The following CBLB variants were observed in gnomAD, a reference collection of about 807,000 sequenced individuals.
CBLB encodes E3 ubiquitin-protein ligase CBL-B.
In CBLB, 31 loss-of-function variants were observed where a neutral mutation model predicts 104.9. The observed-to-expected ratio is 0.30, with a 90% CI of 0.22 to 0.40. The LOEUF is 0.40. Ranked by LOEUF, CBLB falls within the 10% of genes least tolerant of loss-of-function variation. The pLI, the probability that CBLB is intolerant of heterozygous loss-of-function variation, is 1.00. For synonymous variants in CBLB, 440 were observed against 422.6 expected (o/e 1.04, Z -0.51); for missense variants, 1,062 against 1,214.6 (o/e 0.87, Z 1.87).
At chr3:105,774,060 G>A (rs573193906) in intron 4 of CBLB, among the ~76,000 whole-genome samples, 2 of 152,330 alleles carry the variant, frequency 1.3e-5, no homozygotes, top group East Asian at 3.9e-4. Flanking sequence ...TTAAGAAGTA[G>A]GACCTTCAAG....
intron 17 of CBLB, among the ~76,000 whole-genome samples, chr3:105,675,348 G>C (rs186612398): frequency 6.6e-6 from 1 of 151,966 alleles, no homozygotes; most frequent in Non-Finnish European, 1.5e-5. Flanking sequence ...AGCATTTATA[G>C]CATATTCTTA....
At chr3:105,666,501 C>CA (rs1276498084) in intron 18 of CBLB, among the ~76,000 whole-genome samples, 1 of 152,010 alleles carries the variant, frequency 6.6e-6, no homozygotes, top group Non-Finnish European at 1.5e-5. Context: ...GCCTGGCCAA[C>CA]ATGGTGAAAC....
chr3:105,811,068 T>C (rs2084224334), intron 3 of CBLB, among the ~76,000 whole-genome samples: 1 of 152,192 alleles, frequency 6.6e-6, no homozygotes, highest in African/African-American at 2.4e-5. Flanking sequence ...AGCATTTCTT[T>C]TTTATTCTAA....
At chr3:105,840,776 T>A (rs1474425057) in intron 3 of CBLB, among the ~76,000 whole-genome samples, 1 of 151,906 alleles carries the variant, frequency 6.6e-6, no homozygotes, top group Admixed American at 6.6e-5. Flanking sequence ...TTATATCACA[T>A]AATTTCAACC....
chr3:105,858,660 G>T (rs2097413883), intron 2 of CBLB, among the ~76,000 whole-genome samples: 1 of 152,072 alleles, frequency 6.6e-6, no homozygotes, highest in Non-Finnish European at 1.5e-5. Context: ...ATTTATTATT[G>T]GAATTAGGCT....
intron 9 of CBLB, among the ~76,000 whole-genome samples, chr3:105,724,371 G>C (rs2073307042): frequency 6.6e-6 from 1 of 152,122 alleles, no homozygotes; most frequent in Admixed American, 6.6e-5. Flanking sequence ...TAGTAAATCA[G>C]AAAAGGAGCA....
intron 3 of CBLB, among the ~76,000 whole-genome samples, chr3:105,813,648 C>A (rs2084611858): frequency 6.6e-6 from 1 of 151,842 alleles, no homozygotes; most frequent in African/African-American, 2.4e-5. Context: ...GGACCAAAAC[C>A]AATACTGTAT....
chr3:105,801,959 G>C (rs1007735753), intron 3 of CBLB, among the ~76,000 whole-genome samples: 17 of 152,188 alleles, frequency 1.1e-4, no homozygotes, highest in Non-Finnish European at 2.2e-4. Context: ...AAGGGACTGA[G>C]AACAGCCTTG....
At chr3:105,749,742 A>G in intron 5 of CBLB, 1 of 325,892 alleles carries the variant, frequency 3.1e-6, no homozygotes, top group Non-Finnish European at 6.1e-6. Context: ...AATAAATAAG[A>G]TATTCTGTAA....
chr3:105,805,871 C>T (rs1446645806), intron 3 of CBLB, among the ~76,000 whole-genome samples: 1 of 151,220 alleles, frequency 6.6e-6, no homozygotes, highest in East Asian at 1.9e-4. Context: ...CACGTATCTC[C>T]ACTGCATGAT....
intron 3 of CBLB, among the ~76,000 whole-genome samples, chr3:105,796,379 A>G (rs533357866): frequency 3.2e-4 from 49 of 152,270 alleles, no homozygotes; most frequent in African/African-American, 1.2e-3. Context: ...TGCTAGGCAA[A>G]CTGGCTAGCA....
intron 10 of CBLB, among the ~76,000 whole-genome samples, chr3:105,719,740 GA>G (rs139770262): frequency 6.6e-6 from 1 of 152,032 alleles, no homozygotes; most frequent in Non-Finnish European, 1.5e-5. Context: ...TCCTACTTAT[GA>G]AAAAAAGTTA....
intron 3 of CBLB, among the ~76,000 whole-genome samples, chr3:105,781,413 T>A (rs1269746194): frequency 6.6e-6 from 1 of 152,126 alleles, no homozygotes; most frequent in African/African-American, 2.4e-5. Flanking sequence ...TAATGCTTGA[T>A]GGAGGATGGC....
intron 9 of CBLB, among the ~76,000 whole-genome samples, chr3:105,723,077 T>C (rs2073113761): frequency 6.6e-6 from 1 of 152,156 alleles, no homozygotes; most frequent in Non-Finnish European, 1.5e-5. Flanking sequence ...TAATGGTACT[T>C]ACTCTAATAT....
chr3:105,676,881 T>C (rs1459518830), intron 17 of CBLB, among the ~76,000 whole-genome samples: 1 of 152,168 alleles, frequency 6.6e-6, no homozygotes, highest in Non-Finnish European at 1.5e-5. Flanking sequence ...GTCTGGCATT[T>C]TCCCTGCTTG....
chr3:105,803,805 T>C (rs1254236695), intron 3 of CBLB, among the ~76,000 whole-genome samples: 2 of 152,222 alleles, frequency 1.3e-5, no homozygotes, highest in African/African-American at 2.4e-5. Flanking sequence ...GGGTCACTTA[T>C]CTTTTCACTA....
At chr3:105,706,670 T>C (rs1471519279) in intron 10 of CBLB, among the ~76,000 whole-genome samples, 1 of 152,172 alleles carries the variant, frequency 6.6e-6, no homozygotes, top group Non-Finnish European at 1.5e-5. Flanking sequence ...TTATATTCTC[T>C]GAGAACTAGA....
At chr3:105,832,889 A>G (rs554382922) in intron 3 of CBLB, among the ~76,000 whole-genome samples, 9 of 152,358 alleles carry the variant, frequency 5.9e-5, no homozygotes, top group Admixed American at 5.9e-4. Context: ...AGAACACAGC[A>G]GAATACCATG....
intron 3 of CBLB, among the ~76,000 whole-genome samples, chr3:105,794,886 C>T (rs2082081146): frequency 6.6e-6 from 1 of 151,872 alleles, no homozygotes; most frequent in African/African-American, 2.4e-5. Context: ...CACCAAAAGA[C>T]ATGCACAGAA....
Sources: allele counts gnomAD v4.1 joint callset (sites outside exome capture counted in the v4.1 genomes callset), GRCh38; gene constraint gnomAD v4.1.1; transcripts MANE v1.5; gene names NCBI Gene and HGNC (gene_info 2026-07-23, HGNC 2026-07-21).